TAF4: variants seen among roughly 807,000 people sequenced by gnomAD.
TAF4 encodes the protein transcription initiation factor TFIID subunit 4.
Under a neutral mutation model 90.3 loss-of-function variants are expected in TAF4, and 9 were observed. That is an observed-to-expected ratio of 0.10 (90% CI 0.06 to 0.17). The LOEUF (loss-of-function observed/expected upper bound fraction) is 0.17, where lower values mean the gene tolerates loss of function less well. Ranked by LOEUF, TAF4 falls within the 10% of genes least tolerant of loss-of-function variation. The pLI is 1.00. For synonymous variants in TAF4, 818 were observed against 638.9 expected (o/e 1.28, Z -4.23); for missense variants, 1,351 against 1,370.7 (o/e 0.99, Z 0.23).
At chr20:62,050,788 G>T (rs898110632) in intron 1 of TAF4, among the ~76,000 whole-genome samples, 1 of 152,044 alleles carries the variant, frequency 6.6e-6, no homozygotes. Context: ...GACCTCTGCC[G>T]AGGAAACACA....
rs2056102781 is a variant in TAF4 at position 62,063,618 on chromosome 20, C to T, written c.1360+833G>A. ...CAGGCATCCGCAGCATAGCCAGTATCGCCCCGAGACCCCTGCACGGAGCGA... is the reference window on the plus strand; with the variant it reads ...CAGGCATCCGCAGCATAGCCAGTATTGCCCCGAGACCCCTGCACGGAGCGA... On this transcript the variant is annotated intron_variant, in intron 1 of 14. Coordinates refer to ENST00000252996, the MANE Select transcript of TAF4 (RefSeq NM_003185.4). Among the ~76,000 whole-genome samples, 2 of 152,190 alleles carry T rather than the reference C, an allele frequency of 1.3e-5. 1 individual carries two copies. The highest frequency in any genetic ancestry group is 4.2e-4 in the South Asian group (2 of 4,816).
chr20:62,001,180 G>A (rs2055699335), intron 9 of TAF4, among the ~76,000 whole-genome samples: 1 of 152,214 alleles, frequency 6.6e-6, no homozygotes, highest in Non-Finnish European at 1.5e-5. Context: ...TTCTGCACGT[G>A]TTTCCTACAG....
intron 1 of TAF4, among the ~76,000 whole-genome samples, chr20:62,039,936 G>A (rs933120817): frequency 4.6e-5 from 7 of 152,126 alleles, no homozygotes; most frequent in African/African-American, 1.7e-4. Flanking sequence ...GCAAATCAAA[G>A]CCACAACATA....
At chr20:62,059,468 A>G (rs1482145997) in intron 1 of TAF4, among the ~76,000 whole-genome samples, 1 of 152,230 alleles carries the variant, frequency 6.6e-6, no homozygotes. Flanking sequence ...TATTCCACGC[A>G]AGAATTGGAA....
intron 1 of TAF4, among the ~76,000 whole-genome samples, chr20:62,016,712 T>C (rs777933319): frequency 3.3e-5 from 5 of 152,222 alleles, no homozygotes; most frequent in Non-Finnish European, 7.3e-5. Flanking sequence ...GAGTCAATTC[T>C]CCTAATAAAC....
At chr20:61,985,143 A>G (rs1300565438) in intron 14 of TAF4, among the ~76,000 whole-genome samples, 1 of 151,426 alleles carries the variant, frequency 6.6e-6, no homozygotes, top group African/African-American at 2.4e-5. Context: ...TCTCACAAAC[A>G]AAAAATCAAC....
At chr20:62,062,968 C>A (rs935004867) in intron 1 of TAF4, among the ~76,000 whole-genome samples, 1 of 152,178 alleles carries the variant, frequency 6.6e-6, no homozygotes, top group African/African-American at 2.4e-5. Flanking sequence ...TAGATCACAG[C>A]CATCAAACAT....
chr20:61,992,798 C>T (rs1051647786), intron 14 of TAF4, among the ~76,000 whole-genome samples: 5 of 152,242 alleles, frequency 3.3e-5, no homozygotes, highest in East Asian at 1.9e-4. Context: ...AACGTCCAGA[C>T]GGCAAGGACA....
At chr20:62,022,806 C>T (rs548618481) in intron 1 of TAF4, among the ~76,000 whole-genome samples, 23 of 152,298 alleles carry the variant, frequency 1.5e-4, no homozygotes, top group African/African-American at 3.6e-4. Flanking sequence ...CACTGTAACC[C>T]GAATATTTTG....
intron 1 of TAF4, among the ~76,000 whole-genome samples, chr20:62,063,951 C>T (rs953041254): frequency 4.6e-5 from 7 of 152,236 alleles, no homozygotes; most frequent in Non-Finnish European, 8.8e-5. Context: ...AGGCTCGAGC[C>T]CAGGGTCACC....
chr20:62,012,642 C>T (rs1460006577), intron 3 of TAF4, 173 bp downstream of exon 3: 3 of 848,580 alleles, frequency 3.5e-6, no homozygotes, highest in Admixed American at 2.9e-5. Flanking sequence ...TGACTTATCC[C>T]ATGTTGGTGG....
At chr20:61,987,333 G>A (rs959267115) in intron 14 of TAF4, among the ~76,000 whole-genome samples, 2 of 152,146 alleles carry the variant, frequency 1.3e-5, no homozygotes, top group Non-Finnish European at 2.9e-5. Context: ...GAGCCGAGGA[G>A]CCGCGAGGGT....
At chr20:62,046,101 G>A (rs892364236) in intron 1 of TAF4, among the ~76,000 whole-genome samples, 1 of 152,228 alleles carries the variant, frequency 6.6e-6, no homozygotes, top group African/African-American at 2.4e-5. Flanking sequence ...CATTGGGATT[G>A]GGATTCTGTG....
chr20:62,057,253 G>A (rs1170557071), intron 1 of TAF4, among the ~76,000 whole-genome samples: 3 of 152,184 alleles, frequency 2.0e-5, no homozygotes, highest in Non-Finnish European at 4.4e-5. Flanking sequence ...GGTGTGCTTG[G>A]GCCACACCCA....
At chr20:62,018,955 G>A (rs1048237228) in intron 1 of TAF4, among the ~76,000 whole-genome samples, 1 of 152,054 alleles carries the variant, frequency 6.6e-6, no homozygotes, top group Non-Finnish European at 1.5e-5. Context: ...TGTGGCCACC[G>A]CCGCCTCCCC....
At position 62,021,882 on chromosome 20, in the gene TAF4, CAG is replaced by C. The variant is rs2055845716; in HGVS notation, c.1361-7177_1361-7176del. On this transcript the variant is annotated intron_variant, in intron 1 of 14. Transcript: ENST00000252996. ...AGACAGCCGGCACCTCAGACGGCGACAGAGAGGCACTGTGTGCAGTGGCCGCT... is the reference window on the plus strand; with the variant it reads ...AGACAGCCGGCACCTCAGACGGCGACAGAGGCACTGTGTGCAGTGGCCGCT... 2.0e-5 allele frequency among the ~76,000 whole-genome samples: 3 copies of C among 152,248 alleles called. No homozygotes were observed. The South Asian group carries it at 6.2e-4, about 32-fold the overall frequency.
chr20:62,007,864 G>A, intron 5 of TAF4: 3 of 454,670 alleles, frequency 6.6e-6, no homozygotes, highest in South Asian at 2.7e-5. Flanking sequence ...CCTCCTGGGA[G>A]GGTCACCTGT....
chr20:62,037,812 T>C, intron 1 of TAF4: 1 of 222,856 alleles, frequency 4.5e-6, no homozygotes, highest in Non-Finnish European at 9.4e-6. Context: ...GGGACGTCTT[T>C]CAGACACTTG....
At chr20:61,987,543 A>G (rs554297335) in intron 14 of TAF4, among the ~76,000 whole-genome samples, 2 of 152,324 alleles carry the variant, frequency 1.3e-5, no homozygotes, top group East Asian at 3.9e-4. Flanking sequence ...CACCTACTAG[A>G]GCGGCCAAAA....
Sources: allele counts gnomAD v4.1 joint callset (sites outside exome capture counted in the v4.1 genomes callset), GRCh38; gene constraint gnomAD v4.1.1; transcripts MANE v1.5; gene names NCBI Gene and HGNC (gene_info 2026-07-23, HGNC 2026-07-21).